PDE4D: variants seen among roughly 807,000 people sequenced by gnomAD.
PDE4D encodes 3',5'-cyclic-AMP phosphodiesterase 4D.
In PDE4D, 24 loss-of-function variants were observed where a neutral mutation model predicts 87.4. The observed-to-expected ratio is 0.27, with a 90% CI of 0.20 to 0.39. PDE4D has a LOEUF of 0.39. PDE4D is among the 10% of genes least tolerant of loss of function. The pLI is 1.00. For missense variants in PDE4D, 714 were observed against 1,041.0 expected (o/e 0.69, Z 4.32); for synonymous variants, 384 against 383.2 (o/e 1.00, Z -0.02).
At chr5:60,316,004 T>G (rs1755545884) in intron 1 of PDE4D, among the ~76,000 whole-genome samples, 1 of 152,196 alleles carries the variant, frequency 6.6e-6, no homozygotes, top group African/African-American at 2.4e-5. Flanking sequence ...TTTAAAGTAG[T>G]TTTTTCCAAT....
intron 1 of PDE4D, among the ~76,000 whole-genome samples, chr5:59,274,278 A>T (rs1764390777): frequency 6.6e-6 from 1 of 152,174 alleles, no homozygotes; most frequent in South Asian, 2.1e-4. Flanking sequence ...AATTTATTAA[A>T]ACTCACAGAA....
intron 1 of PDE4D, among the ~76,000 whole-genome samples, chr5:59,461,437 C>T (rs1800773952): frequency 6.6e-6 from 1 of 151,968 alleles, no homozygotes; most frequent in African/African-American, 2.4e-5. Flanking sequence ...TCTCTTTAGA[C>T]ACAGTTTTAA....
At chr5:60,014,091 TAAAAAAAAAAAAA>T (rs36035984) in intron 2 of PDE4D, among the ~76,000 whole-genome samples, 1 of 96,460 alleles carries the variant, frequency 1.0e-5, no homozygotes, top group South Asian at 3.5e-4. Flanking sequence ...GACTCCACCT[TAAAAAAAAAAAAA>T]AAAAAAAAAA....
Position 59,034,425 on chromosome 5 carries a change from A to G in PDE4D, c.921+4434T>C, listed in dbSNP as rs998147617. Among the ~76,000 whole-genome samples the G allele has an allele frequency of 5.9e-5, 9 of 152,312 alleles. No homozygotes were observed. In the East Asian group the frequency reaches 1.7e-3, roughly 29 times the overall value. On this transcript the variant is annotated intron_variant, in intron 6 of 14. Coordinates refer to ENST00000340635, the MANE Select transcript of PDE4D (RefSeq NM_001104631.2). Reference sequence around the variant, plus strand: ...CCTTCTTAGCAAAAGTTTAACATTTATATCTGTTGAGTTACACTGTAGTTG... The same window carrying G: ...CCTTCTTAGCAAAAGTTTAACATTTGTATCTGTTGAGTTACACTGTAGTTG...
rs150015903 is a variant in PDE4D, at chr5:59,067,970, T to C, written c.809-28999A>G. 5.3e-4 allele frequency among the ~76,000 whole-genome samples: 80 copies of C among 152,346 alleles called. No individual in the cohort carries two copies. The East Asian group carries it at 0.013, about 25-fold the overall frequency. ...TTGGAGACTCATATGTTGTCAGTTT[T>C]TCATGACTCAAAATTTATGAAAAAC... On this transcript the variant is annotated intron_variant, in intron 5 of 14. Coordinates refer to ENST00000340635, the MANE Select transcript of PDE4D (RefSeq NM_001104631.2).
At chr5:59,648,995 A>G (rs940737550) in intron 1 of PDE4D, among the ~76,000 whole-genome samples, 3 of 152,210 alleles carry the variant, frequency 2.0e-5, no homozygotes, top group African/African-American at 7.2e-5. Context: ...ATTTCTGCAG[A>G]GTAGGAAGTT....
chr5:60,417,176 C>T (rs1241301563), intron 1 of PDE4D, among the ~76,000 whole-genome samples: 1 of 152,172 alleles, frequency 6.6e-6, no homozygotes, highest in Non-Finnish European at 1.5e-5. Flanking sequence ...CAAGTGTGCC[C>T]AGAGAACAGC....
chr5:60,396,816 G>C (rs1457552270), intron 1 of PDE4D, among the ~76,000 whole-genome samples: 2 of 152,198 alleles, frequency 1.3e-5, no homozygotes, highest in East Asian at 3.8e-4. Context: ...GCTTGCTTCT[G>C]CTGACTTGCT....
At chr5:59,608,616 G>A (rs1361951011) in intron 1 of PDE4D, among the ~76,000 whole-genome samples, 1 of 152,076 alleles carries the variant, frequency 6.6e-6, no homozygotes, top group African/African-American at 2.4e-5. Flanking sequence ...TCCTGGGTAT[G>A]CTACTTGGAA....
At chr5:59,275,628 G>A in intron 1 of PDE4D, 5 of 1,271,014 alleles carry the variant, frequency 3.9e-6, no homozygotes, top group African/African-American at 1.5e-5. Flanking sequence ...TCCAGTACTA[G>A]GCTGTTAGGA....
At chr5:59,225,484 CCTTTTGTGGTTTCTT>C in intron 1 of PDE4D, among the ~76,000 whole-genome samples, 1 of 152,108 alleles carries the variant, frequency 6.6e-6, no homozygotes, top group Non-Finnish European at 1.5e-5. Flanking sequence ...GACTATTCAG[CCTTTTGTGGTTTCTT>C]ATGAAGACTG....
At chr5:59,525,428 G>A (rs1172864477) in intron 1 of PDE4D, among the ~76,000 whole-genome samples, 2 of 152,178 alleles carry the variant, frequency 1.3e-5, no homozygotes, top group African/African-American at 4.8e-5. Flanking sequence ...CAATACCTGT[G>A]CCTCCACTGT....
At chr5:60,323,994 C>T (rs1450745086) in intron 1 of PDE4D, among the ~76,000 whole-genome samples, 1 of 152,218 alleles carries the variant, frequency 6.6e-6, no homozygotes, top group South Asian at 2.1e-4. Context: ...CTGTCTTTGA[C>T]GGTGCTTGTC....
At chr5:59,509,854 TAA>T (rs908482495) in intron 1 of PDE4D, among the ~76,000 whole-genome samples, 3 of 147,610 alleles carry the variant, frequency 2.0e-5, no homozygotes, top group South Asian at 2.1e-4. Context: ...AATTTTATAT[TAA>T]GTTATAAATA....
At chr5:60,331,731 G>A (rs1425363370) in intron 1 of PDE4D, among the ~76,000 whole-genome samples, 1 of 152,168 alleles carries the variant, frequency 6.6e-6, no homozygotes, top group African/African-American at 2.4e-5. Flanking sequence ...GAAATGCAGG[G>A]CTGGGCAGGG....
intron 1 of PDE4D, among the ~76,000 whole-genome samples, chr5:60,447,304 A>G (rs2150144445): frequency 6.6e-6 from 1 of 152,302 alleles, no homozygotes; most frequent in Middle Eastern, 3.4e-3. Flanking sequence ...TAGCATCTCA[A>G]GCAACTTACA....
At chr5:59,611,026 C>G (rs903809474) in intron 1 of PDE4D, among the ~76,000 whole-genome samples, 3 of 152,094 alleles carry the variant, frequency 2.0e-5, no homozygotes, top group Admixed American at 6.6e-5. Flanking sequence ...TCAAATACAT[C>G]ATGGATTCGT....
chr5:60,501,173 C>G (rs1374432365), intron 1 of PDE4D, among the ~76,000 whole-genome samples: 3 of 152,074 alleles, frequency 2.0e-5, no homozygotes, highest in African/African-American at 7.2e-5. Flanking sequence ...ACAACAGTCC[C>G]CAGAGTGTGA....
intron 1 of PDE4D, among the ~76,000 whole-genome samples, chr5:59,619,524 C>T (rs1490532206): frequency 6.6e-6 from 1 of 152,132 alleles, no homozygotes; most frequent in Non-Finnish European, 1.5e-5. Flanking sequence ...CGGATGGCTG[C>T]ATTTTAAAAG....
Sources: allele counts gnomAD v4.1 joint callset (sites outside exome capture counted in the v4.1 genomes callset), GRCh38; gene constraint gnomAD v4.1.1; transcripts MANE v1.5; gene names NCBI Gene and HGNC (gene_info 2026-07-23, HGNC 2026-07-21).